LRRTM4: variants seen among roughly 807,000 people sequenced by gnomAD.
LRRTM4 encodes the protein leucine rich repeat transmembrane neuronal 4, also known as leucine-rich repeat transmembrane neuronal protein 4.
LRRTM4 carries 25 observed loss-of-function variants against 47.6 expected under a neutral mutation model. That is an observed-to-expected ratio of 0.53 (90% CI 0.38 to 0.73). The LOEUF (loss-of-function observed/expected upper bound fraction) is 0.73, where lower values mean the gene tolerates loss of function less well. LRRTM4 is among the 30% of genes least tolerant of loss of function. The probability of loss-of-function intolerance (pLI) is 0.00; values close to 1 mark genes in which losing one functional copy is unlikely to be tolerated. For synonymous variants in LRRTM4, 311 were observed against 269.5 expected (o/e 1.15, Z -1.51); for missense variants, 638 against 713.4 (o/e 0.89, Z 1.20).
chr2:77,399,557 G>A (rs535063523), intron 3 of LRRTM4, among the ~76,000 whole-genome samples: 12 of 151,954 alleles, frequency 7.9e-5, no homozygotes, highest in African/African-American at 2.7e-4. Context: ...GTACAATATG[G>A]TGATGGTGAC....
chr2:76,807,923 CTTT>C (rs1558668153), intron 3 of LRRTM4, among the ~76,000 whole-genome samples: 1 of 115,236 alleles, frequency 8.7e-6, no homozygotes, highest in East Asian at 2.4e-4. Context: ...TCTTTCCTTT[CTTT>C]CCTTTCCTTT....
intron 3 of LRRTM4, among the ~76,000 whole-genome samples, chr2:77,195,854 G>A (rs920393578): frequency 3.9e-5 from 6 of 152,040 alleles, no homozygotes. Context: ...GAGTCCCAAG[G>A]TTCAAACAAG....
At chr2:77,185,940 G>T (rs1017826508) in intron 3 of LRRTM4, among the ~76,000 whole-genome samples, 1 of 152,092 alleles carries the variant, frequency 6.6e-6, no homozygotes, top group African/African-American at 2.4e-5. Context: ...GATTATGTGA[G>T]ATTATGTTTG....
chr2:77,350,843 A>G (rs1478915806), intron 3 of LRRTM4, among the ~76,000 whole-genome samples: 1 of 152,334 alleles, frequency 6.6e-6, no homozygotes, highest in South Asian at 2.1e-4. Context: ...TATGCCATGT[A>G]TAAAAGACTT....
At chr2:76,900,600 C>A (rs1438361510) in intron 3 of LRRTM4, among the ~76,000 whole-genome samples, 1 of 152,014 alleles carries the variant, frequency 6.6e-6, no homozygotes, top group East Asian at 1.9e-4. Context: ...CTGCCCTCTA[C>A]CAAATAATTC....
chr2:76,945,033 T>C (rs1249485250), intron 3 of LRRTM4, among the ~76,000 whole-genome samples: 2 of 152,090 alleles, frequency 1.3e-5, no homozygotes, highest in African/African-American at 4.8e-5. Context: ...GGGACCCGAA[T>C]CTGAGGATTC....
intron 3 of LRRTM4, among the ~76,000 whole-genome samples, chr2:77,347,237 T>G (rs190904684): frequency 1.3e-5 from 2 of 152,226 alleles, no homozygotes; most frequent in Non-Finnish European, 2.9e-5. Flanking sequence ...GGAGCTGTGA[T>G]AGCTTCACAC....
At chr2:76,908,263 T>C (rs1390625967) in intron 3 of LRRTM4, among the ~76,000 whole-genome samples, 2 of 152,036 alleles carry the variant, frequency 1.3e-5, no homozygotes, top group Admixed American at 6.6e-5. Context: ...TCTCAATAGA[T>C]GCAGAAAAGG....
At chr2:76,755,708 C>G (rs1248364754) in intron 3 of LRRTM4, among the ~76,000 whole-genome samples, 1 of 152,064 alleles carries the variant, frequency 6.6e-6, no homozygotes, top group African/African-American at 2.4e-5. Context: ...AGAGAGAGCA[C>G]TGGAGTTATA....
At chr2:77,430,708 T>G (rs1347228394) in intron 3 of LRRTM4, among the ~76,000 whole-genome samples, 1 of 128,778 alleles carries the variant, frequency 7.8e-6, no homozygotes, top group Non-Finnish European at 1.6e-5. Context: ...GCAACAAGAG[T>G]GAAACTCTGT....
intron 3 of LRRTM4, among the ~76,000 whole-genome samples, chr2:77,216,736 C>A (rs899298635): frequency 6.6e-6 from 1 of 151,772 alleles, no homozygotes; most frequent in Non-Finnish European, 1.5e-5. Context: ...GAGCATATTT[C>A]GGCGGCTTTC....
intron 3 of LRRTM4, among the ~76,000 whole-genome samples, chr2:77,295,661 A>T (rs1341268937): frequency 6.6e-6 from 1 of 152,106 alleles, no homozygotes; most frequent in Non-Finnish European, 1.5e-5. Flanking sequence ...CTTTCTGAAG[A>T]CTGAGAAAAG....
At chr2:76,771,603 G>A (rs1175449003) in intron 3 of LRRTM4, among the ~76,000 whole-genome samples, 1 of 143,716 alleles carries the variant, frequency 7.0e-6, no homozygotes, top group African/African-American at 2.6e-5. Flanking sequence ...GCAGCAAGAA[G>A]ACTGCGTGCT....
At position 76,911,387 on chromosome 2, in the gene LRRTM4, C is replaced by T. The variant is rs140048822; in HGVS notation, c.1552-162471G>A. On this transcript the variant is annotated intron_variant, in intron 3 of 3. Transcript: ENST00000409884. ...AAAATGTTTCCTGGACAGCCAAGAACAGTTACTGTGACAGAACCTAATGCT... is the reference window on the plus strand; with the variant it reads ...AAAATGTTTCCTGGACAGCCAAGAATAGTTACTGTGACAGAACCTAATGCT... 4.6e-5 allele frequency among the ~76,000 whole-genome samples: 7 copies of T among 152,318 alleles called. No individual in the cohort carries two copies. The East Asian group carries it at 1.4e-3, about 29-fold the overall frequency.
intron 3 of LRRTM4, among the ~76,000 whole-genome samples, chr2:76,862,633 G>A (rs556228853): frequency 4.6e-5 from 7 of 152,242 alleles, no homozygotes; most frequent in South Asian, 2.1e-4. Flanking sequence ...TCACACACGC[G>A]TGCGCGCGCA....
chr2:77,037,672 T>G (rs1347038239), intron 3 of LRRTM4, among the ~76,000 whole-genome samples: 1 of 151,720 alleles, frequency 6.6e-6, no homozygotes, highest in Non-Finnish European at 1.5e-5. Flanking sequence ...AAAATGTGTC[T>G]TAAAGAGGCA....
intron 3 of LRRTM4, among the ~76,000 whole-genome samples, chr2:77,264,202 A>G (rs1675991604): frequency 6.6e-6 from 1 of 152,106 alleles, no homozygotes; most frequent in Non-Finnish European, 1.5e-5. Flanking sequence ...ATCTAAGGAC[A>G]GAGTCAGTTT....
chr2:77,293,748 C>A (rs1676894849), intron 3 of LRRTM4, among the ~76,000 whole-genome samples: 1 of 152,096 alleles, frequency 6.6e-6, no homozygotes, highest in Non-Finnish European at 1.5e-5. Context: ...ATGTGACTAA[C>A]TTAAGGGCTA....
At chr2:77,141,107 C>T (rs1558601659) in intron 3 of LRRTM4, among the ~76,000 whole-genome samples, 1 of 152,140 alleles carries the variant, frequency 6.6e-6, no homozygotes, top group Non-Finnish European at 1.5e-5. Flanking sequence ...TTTGACCCAG[C>T]CATCCCATTA....
Sources: allele counts gnomAD v4.1 joint callset (sites outside exome capture counted in the v4.1 genomes callset), GRCh38; gene constraint gnomAD v4.1.1; transcripts MANE v1.5; gene names NCBI Gene and HGNC (gene_info 2026-07-23, HGNC 2026-07-21).